Variants in SMARCB1 observed in about 807,000 individuals in gnomAD.
SMARCB1 encodes SWI/SNF related BAF chromatin remodeling complex subunit B1, also known as SWI/SNF-related matrix-associated actin-dependent regulator of chromatin subfamily B member 1.
SMARCB1 carries 5 observed loss-of-function variants against 49.0 expected under a neutral mutation model. The observed-to-expected ratio is 0.10, with a 90% CI of 0.05 to 0.21. The LOEUF (loss-of-function observed/expected upper bound fraction) is 0.21. Among genes scored for constraint, SMARCB1 ranks in the 10% least tolerant of loss-of-function variants. The pLI is 1.00. For synonymous variants in SMARCB1, 201 were observed against 200.1 expected (o/e 1.00, Z -0.04); for missense variants, 226 against 509.2 (o/e 0.44, Z 5.35).
chr22:23,825,342 G>A lies in SMARCB1; in HGVS notation c.913G>A (p.Gly305Arg), dbSNP rs1295909994. ...GCTGTGCTCGGAGCTGGGGTTGGGC[G>A]GGGAGTTTGTCACCACCATCGCATA... ...LKLCSELGLG[G>R]EFVTTIAYSI... The change falls in exon 7 of 9, where the codon GGG becomes AGG. Residue 305 changes from glycine to arginine, a missense_variant. By Grantham distance (125) the Gly-to-Arg change is moderately radical (BLOSUM62 -2). Transcript: ENST00000644036. 2 of 1,613,976 alleles carry A rather than the reference G, an allele frequency of 1.2e-6. No homozygotes were observed. The highest frequency in any genetic ancestry group is 1.7e-6 in the Non-Finnish European group (2 of 1,179,936).
intron 3 of SMARCB1, among the ~76,000 whole-genome samples, chr22:23,797,804 A>T (rs986454759): frequency 6.6e-6 from 1 of 151,038 alleles, no homozygotes; most frequent in Non-Finnish European, 1.5e-5. Flanking sequence ...GTTTTAGTAG[A>T]GACGGGGTTT....
chr22:23,812,403 C>T (rs920477717), intron 5 of SMARCB1, among the ~76,000 whole-genome samples: 11 of 152,014 alleles, frequency 7.2e-5, no homozygotes, highest in African/African-American at 1.7e-4. Flanking sequence ...CAAATGTTGA[C>T]GAATGAGTTA....
intron 6 of SMARCB1, chr22:23,817,549 C>G (rs1186368105): frequency 6.5e-6 from 1 of 154,556 alleles, no homozygotes; most frequent in Non-Finnish European, 1.4e-5. Flanking sequence ...TTGGTTAGAT[C>G]TGATGCTGTG....
intron 5 of SMARCB1, chr22:23,816,392 C>T: frequency 2.5e-6 from 1 of 399,042 alleles, no homozygotes; most frequent in South Asian, 2.5e-5. Context: ...TCACGTCTGC[C>T]ACCAGTTCAG....
chr22:23,800,944 G>A lies in SMARCB1; in HGVS notation c.363G>A (p.Arg121=), dbSNP rs777046853. The A allele has an allele frequency of 1.9e-6, 3 of 1,613,370 alleles. No individual in the cohort carries two copies. The South Asian group carries it at 3.3e-5, about 18-fold the overall frequency. The part of the protein sequence containing the change: ...SISTEPPTYL[R]EQKAKRNSQW... ...GAGGACTTTTCTTGTATCTCCTCAG[G>A]GAACAGAAGGCCAAGAGGAACAGCC... The change falls in exon 4 of 9, where the codon AGG becomes AGA. Residue 121 remains arginine (R), a splice_region_variant and synonymous_variant. Coordinates refer to ENST00000644036, the MANE Select transcript of SMARCB1 (RefSeq NM_003073.5).
chr22:23,802,192 C>T (rs35078331), intron 4 of SMARCB1: 1,971 of 152,990 alleles, frequency 0.013, 23 homozygotes, highest in Middle Eastern at 0.054. Flanking sequence ...CCATCACCCT[C>T]GGAGCAGAAG....
intron 7 of SMARCB1, among the ~76,000 whole-genome samples, chr22:23,829,884 G>A (rs9612479): frequency 0.011 from 1,657 of 152,236 alleles, 8 homozygotes; most frequent in Non-Finnish European, 0.019. Context: ...TGCCTATTCC[G>A]GGTACTTCAT....
chr22:23,807,798 CTTTTTT>C (rs71184913), intron 5 of SMARCB1, among the ~76,000 whole-genome samples: 1 of 132,690 alleles, frequency 7.5e-6, no homozygotes, highest in South Asian at 2.4e-4. Flanking sequence ...CTTTTTTTTT[CTTTTTT>C]TTTTTTTTGA....
At chr22:23,820,251 G>C (rs772808898) in intron 6 of SMARCB1, among the ~76,000 whole-genome samples, 21 of 152,166 alleles carry the variant, frequency 1.4e-4, no homozygotes, top group Non-Finnish European at 2.4e-4. Flanking sequence ...AGAATAGTTT[G>C]AGAAGGATTG....
chr22:23,816,699 G>A, intron 5 of SMARCB1, 71 bp from the exon 6 acceptor site: 1 of 1,420,276 alleles, frequency 7.0e-7, no homozygotes, highest in Non-Finnish European at 9.9e-7. Flanking sequence ...AAAGAAGAAG[G>A]GGTGAGGGAG....
chr22:23,832,610 G>A (rs138596412), intron 7 of SMARCB1, among the ~76,000 whole-genome samples: 2 of 152,314 alleles, frequency 1.3e-5, no homozygotes, highest in African/African-American at 2.4e-5. Flanking sequence ...CAAGCCAGGG[G>A]TCTGGTGTCA....
At chr22:23,792,386 G>A in intron 2 of SMARCB1, 1 of 298,526 alleles carries the variant, frequency 3.3e-6, no homozygotes, top group South Asian at 3.2e-5. Flanking sequence ...CTGGTGGCCT[G>A]CGTGTGCCTG....
intron 7 of SMARCB1, among the ~76,000 whole-genome samples, chr22:23,830,160 T>G (rs750654676): frequency 5.9e-5 from 9 of 152,244 alleles, no homozygotes; most frequent in Non-Finnish European, 1.0e-4. Flanking sequence ...TCAATTTTCT[T>G]GGATATATAC....
At chr22:23,800,607 G>A (rs1426591124) in intron 3 of SMARCB1, among the ~76,000 whole-genome samples, 6 of 152,098 alleles carry the variant, frequency 3.9e-5, no homozygotes, top group Non-Finnish European at 8.8e-5. Context: ...GTCTAAGGCT[G>A]TGCTCTATTA....
At chr22:23,803,730 G>A in intron 5 of SMARCB1, 1 of 440,338 alleles carries the variant, frequency 2.3e-6, no homozygotes, top group Non-Finnish European at 4.3e-6. Flanking sequence ...ACCTAGTTCA[G>A]CCCCCGAGCC....
At position 23,801,146 on chromosome 22, in the gene SMARCB1, G is replaced by A. The variant is rs34545858; in HGVS notation, c.500+65G>A. The A allele has an allele frequency of 1.0e-3, 1,630 of 1,613,202 alleles. 16 individuals are homozygous for A. In the African/African-American group the frequency reaches 0.018, roughly 18 times the overall value. ...CGCCTTAGTTCTCCAGCACGTTTCA[G>A]TTCCTTCCTCCCCAGAAAAACACTC... On this transcript the variant is annotated intron_variant, in intron 4 of 8. Coordinates refer to ENST00000644036, the MANE Select transcript of SMARCB1 (RefSeq NM_003073.5).
intron 5 of SMARCB1, among the ~76,000 whole-genome samples, chr22:23,808,843 C>T (rs1015155294): frequency 2.6e-5 from 4 of 151,808 alleles, no homozygotes; most frequent in Admixed American, 2.0e-4. Flanking sequence ...GGATTACAGG[C>T]ATGTGCCACC....
rs1331669657 is a variant in SMARCB1 at position 23,837,649 on chromosome 22, G to A, written c.*3469G>A. ...AGCCTGGGGCGGACTAGATGTACCG[G>A]GAGGCTCACCCAGCAGGTCCACGAG... On this transcript the variant is annotated 3_prime_UTR_variant, in exon 9 of 9. Transcript: ENST00000644036. 1 of 1,610,492 alleles carries A rather than the reference G, an allele frequency of 6.2e-7. No homozygotes were observed. The highest frequency in any genetic ancestry group is 8.5e-7 in the Non-Finnish European group (1 of 1,177,738).
intron 5 of SMARCB1, among the ~76,000 whole-genome samples, chr22:23,811,300 A>T (rs1386993397): frequency 6.6e-6 from 1 of 152,252 alleles, no homozygotes; most frequent in Non-Finnish European, 1.5e-5. Context: ...ATTCACAATC[A>T]TTGGAGACCT....
Sources: gnomAD v4.1 joint callset for allele counts (sites outside exome capture counted in the v4.1 genomes callset) on GRCh38, gnomAD v4.1.1 for gene constraint, MANE v1.5 for transcripts, NCBI Gene and HGNC (gene_info 2026-07-23, HGNC 2026-07-21) for gene names.